The following GATA6 variants were observed in gnomAD, a reference collection of about 807,000 sequenced individuals.
GATA6 encodes transcription factor GATA-6.
GATA6 carries 11 observed loss-of-function variants against 48.1 expected under a neutral mutation model. The observed-to-expected ratio is 0.23, with a 90% CI of 0.14 to 0.38. The LOEUF (loss-of-function observed/expected upper bound fraction) is 0.38. Ranked by LOEUF, GATA6 falls within the 10% of genes least tolerant of loss-of-function variation. The pLI, the probability that GATA6 is intolerant of heterozygous loss-of-function variation, is 1.00. For missense variants in GATA6, 795 were observed against 850.3 expected, an observed-to-expected ratio of 0.93 and a Z score of 0.81; for synonymous variants, 419 against 396.1, an observed-to-expected ratio of 1.06 and a Z score of -0.69.
intron 6 of GATA6, among the ~76,000 whole-genome samples, chr18:22,186,812 A>AAC (rs1027271055): frequency 6.6e-6 from 1 of 152,180 alleles, no homozygotes; most frequent in African/African-American, 2.4e-5. Flanking sequence ...TATACTTGTT[A>AAC]ATCTGTGCCT....
In GATA6 at chr18:22,173,392, G is replaced by A. The variant is rs576786998; in HGVS notation, c.1135+1113G>A. Among the ~76,000 whole-genome samples, 11 of 152,254 alleles carry A rather than the reference G, an allele frequency of 7.2e-5. No individual in the cohort carries two copies. In the East Asian group the frequency reaches 1.9e-3, roughly 27 times the overall value. ...CTTGAGTCACAGAGGTGGCAGAGTGGAGGAAGGCACATTACTCCAAACAGT... is the reference window on the plus strand; with the variant it reads ...CTTGAGTCACAGAGGTGGCAGAGTGAAGGAAGGCACATTACTCCAAACAGT... On this transcript the variant is annotated intron_variant, in intron 2 of 6. Transcript: ENST00000269216.
rs148794592 is a variant in GATA6, at chr18:22,198,243, G to C, written c.1621-2413G>C. The stretch of plus-strand genomic sequence containing the variant: ...GGGACTACATGCCCAGCTAACTTTT[G>C]TATTTTTTGTAGAGACGGGGTCTCC... On this transcript the variant is annotated intron_variant, in intron 6 of 6. Transcript: ENST00000269216. Among the ~76,000 whole-genome samples, 1,453 of 152,098 alleles carry C rather than the reference G, an allele frequency of 9.6e-3. 25 individuals are homozygous for C. Among genetic ancestry groups the C allele is most frequent in the African/African-American group, 0.033 (1,362 of 41,500 alleles).
In GATA6 at chr18:22,185,030, G is replaced by T. The variant is rs1325307878; in HGVS notation, c.1620+1987G>T. 6.6e-6 allele frequency among the ~76,000 whole-genome samples: 1 copy of T among 152,130 alleles called. No homozygotes were observed. On this transcript the variant is annotated intron_variant, in intron 6 of 6. Transcript: ENST00000269216. This position sits in a 1 kb window ranked among gnomAD's most constrained non-coding sequence, Gnocchi z 4.3. ...CGATATATACCCAACAATGGGCTTC[G>T]GGGACTTGGAACCATTGTGGGTGGA...
In GATA6 at chr18:22,170,569, G is replaced by A. The variant is rs1219106059; in HGVS notation, c.-37-539G>A. Among the ~76,000 whole-genome samples, 1 of 152,254 alleles carries A rather than the reference G, an allele frequency of 6.6e-6. No homozygotes were observed. The highest frequency in any genetic ancestry group is 2.4e-5 in the African/African-American group (1 of 41,482). ...AGAGCCAATATAGGAGAACGCGGCG[G>A]TTTCGTTTTCGGGGACAGGTTGCCT... is the stretch of plus-strand genomic sequence containing the variant. On this transcript the variant is annotated intron_variant, in intron 1 of 6. Coordinates refer to ENST00000269216, the MANE Select transcript of GATA6 (RefSeq NM_005257.6). This position sits in a 1 kb window ranked among gnomAD's most constrained non-coding sequence, Gnocchi z 6.7.
chr18:22,183,540 T>C (rs2033224310), intron 6 of GATA6, among the ~76,000 whole-genome samples: 1 of 152,254 alleles, frequency 6.6e-6, no homozygotes, highest in Non-Finnish European at 1.5e-5. Flanking sequence ...TATATGCTGC[T>C]GTATTCACTA....
chr18:22,177,952 GTTTTTTTT>G (rs775374335), intron 3 of GATA6, among the ~76,000 whole-genome samples: 16 of 80,456 alleles, frequency 2.0e-4, no homozygotes, highest in East Asian at 3.5e-4. Flanking sequence ...CTGTTTTTTT[GTTTTTTTT>G]TTTTTTTTTT....
intron 6 of GATA6, among the ~76,000 whole-genome samples, chr18:22,184,502 A>T (rs865884263): frequency 4.2e-4 from 63 of 149,872 alleles, no homozygotes; most frequent in African/African-American, 1.4e-3. Flanking sequence ...AATAATAATT[A>T]TTTTTTTTTT....
At chr18:22,177,545 G>A (rs966283759) in intron 3 of GATA6, among the ~76,000 whole-genome samples, 1 of 152,194 alleles carries the variant, frequency 6.6e-6, no homozygotes, top group Non-Finnish European at 1.5e-5. Flanking sequence ...AATTGGTGAT[G>A]GTAACCCGAG....
chr18:22,190,285 AAG>A (rs1479470950), intron 6 of GATA6, among the ~76,000 whole-genome samples: 1 of 152,198 alleles, frequency 6.6e-6, no homozygotes, highest in Non-Finnish European at 1.5e-5. Context: ...GTTAAAAAAA[AAG>A]TAGTAAAAAT....
chr18:22,173,647 G>A (rs971667332), intron 2 of GATA6, among the ~76,000 whole-genome samples: 2 of 152,206 alleles, frequency 1.3e-5, no homozygotes, highest in East Asian at 1.9e-4. Context: ...TCCAAGCGCT[G>A]CAAGACTTGG....
At chr18:22,179,722 T>C (rs1351736708) in intron 3 of GATA6, among the ~76,000 whole-genome samples, 1 of 152,222 alleles carries the variant, frequency 6.6e-6, no homozygotes, top group Non-Finnish European at 1.5e-5. Flanking sequence ...GTTTTGTTAA[T>C]ATGTTGTCAT....
intron 6 of GATA6, among the ~76,000 whole-genome samples, chr18:22,184,237 G>A (rs2033234069): frequency 6.6e-6 from 1 of 151,948 alleles, no homozygotes. Flanking sequence ...AATTATATTT[G>A]ATATTTTTCT....
At chr18:22,174,728 AT>A (rs35173458) in intron 2 of GATA6, among the ~76,000 whole-genome samples, 13,566 of 142,898 alleles carry the variant, frequency 0.095, 669 homozygotes, top group African/African-American at 0.12. Context: ...TGTTTCTTAG[AT>A]TTTTTTTTTT....
chr18:22,199,608 A>G (rs1384874874), intron 6 of GATA6, among the ~76,000 whole-genome samples: 1 of 152,220 alleles, frequency 6.6e-6, no homozygotes, highest in African/African-American at 2.4e-5. Flanking sequence ...CTTGTGCTTC[A>G]AGAAATCATT....
intron 6 of GATA6, among the ~76,000 whole-genome samples, chr18:22,191,743 T>A (rs892231755): frequency 2.0e-5 from 3 of 152,380 alleles, no homozygotes; most frequent in Admixed American, 1.3e-4. Flanking sequence ...TCAGGCTTTT[T>A]TAAAGGCCCA....
At chr18:22,182,723 T>C (rs764718075) in intron 4 of GATA6, 34 bp from the exon 5 acceptor site, 2 of 1,431,944 alleles carry the variant, frequency 1.4e-6, no homozygotes, top group Admixed American at 3.5e-5. Context: ...TTCAATATAA[T>C]ATTAAATTTA....
Position 22,177,077 on chromosome 18 carries a change from A to G in GATA6, c.1258A>G (p.Met420Val), listed in dbSNP as rs773572004. The change falls in exon 3 of 7, where the codon ATG becomes GTG. Residue 420 changes from methionine to valine, a missense_variant. Met to Val is a conservative substitution (Grantham distance 21). This residue lies in a region of GATA6 where 76 missense variants were observed against 113.1 expected (regional missense o/e 0.67). Coordinates refer to ENST00000269216, the MANE Select transcript of GATA6 (RefSeq NM_005257.6). ...LCNACGLYSK[M>V]NGLSRPLIKP... ...CAACGCCTGCGGGCTCTACAGCAAG[A>G]TGAACGGCCTCAGCCGGCCCCTCAT... 6.4e-7 allele frequency: 1 copy of G among 1,567,608 alleles called. No individual in the cohort carries two copies. The highest frequency in any genetic ancestry group is 1.2e-5 in the South Asian group (1 of 85,572).
At chr18:22,178,418 T>G (rs188402086) in intron 3 of GATA6, among the ~76,000 whole-genome samples, 252 of 152,352 alleles carry the variant, frequency 1.7e-3, no homozygotes, top group Non-Finnish European at 2.6e-3. Context: ...AACATTTGTT[T>G]AGCGAAGTAC....
chr18:22,170,850 G>A lies in GATA6; in HGVS notation c.-37-258G>A. 2.0e-6 allele frequency: 1 copy of A among 502,134 alleles called. No individual in the cohort carries two copies. The highest frequency in any genetic ancestry group is 3.5e-6 in the Non-Finnish European group (1 of 281,762). 31.1% of individuals were successfully genotyped at this position (502,134 alleles called of 1,614,324 possible). A position where few individuals can be genotyped will look rare whatever the true frequency, so the allele number is the denominator to read the frequency against. On this transcript the variant is annotated intron_variant, in intron 1 of 6. Transcript: ENST00000269216. The surrounding 1 kb of genome is among the most constrained non-coding windows in gnomAD (Gnocchi z 6.7). ...GGTGGGCGGGGAGGACGCGGGGACC[G>A]GAGCGGTGCCTTTGAGGGAGGGCTG...
Sources: gnomAD v4.1 joint callset for allele counts (sites outside exome capture counted in the v4.1 genomes callset) on GRCh38, gnomAD v4.1.1 for gene constraint, gnomAD v4.1.1 regional missense constraint, Gnocchi (gnomAD v3.1) non-coding constraint, MANE v1.5 for transcripts, NCBI Gene and HGNC (gene_info 2026-07-23, HGNC 2026-07-21) for gene names.